Variants in SCN1A observed in about 807,000 individuals in gnomAD.
SCN1A encodes the protein sodium voltage-gated channel alpha subunit 1.
A neutral mutation model predicts 193.7 loss-of-function variants in SCN1A; 13 were observed. The observed-to-expected ratio is 0.07, with a 90% confidence interval of 0.04 to 0.11. The LOEUF (loss-of-function observed/expected upper bound fraction) is 0.11. Among genes scored for constraint, SCN1A ranks in the 10% least tolerant of loss-of-function variants. The pLI is 1.00. For missense variants in SCN1A, 1,432 were observed against 2,451.1 expected (o/e 0.58, Z 8.78); for synonymous variants, 781 against 843.6 (o/e 0.93, Z 1.29).
At position 166,026,885 on chromosome 2, in the gene SCN1A, G is replaced by A. The variant is rs920333405; in HGVS notation, c.3429+9163C>T. On this transcript the variant is annotated intron_variant, in intron 19 of 28. Coordinates refer to ENST00000674923, the MANE Select transcript of SCN1A (RefSeq NM_001165963.4). ...TTTTTAGTAGAGATGGGGTTTCACC[G>A]TGTTAGCCAGGGTGGTCTCGATCTC... Among the ~76,000 whole-genome samples, 10 of 151,734 alleles carry A rather than the reference G, an allele frequency of 6.6e-5. No homozygotes were observed. In the South Asian group the frequency reaches 8.3e-4, roughly 13 times the overall value.
chr2:166,090,375 C>T lies in SCN1A; in HGVS notation c.-141-12574G>A, dbSNP rs568969672. On this transcript the variant is annotated intron_variant, in intron 2 of 28. Transcript: ENST00000674923. ...AACTTCTAAAGATGAAACTGCTACACGTGGACAGCCATAACAACAAAGAGA... is the reference window on the plus strand; with the variant it reads ...AACTTCTAAAGATGAAACTGCTACATGTGGACAGCCATAACAACAAAGAGA... Among the ~76,000 whole-genome samples the T allele has an allele frequency of 1.1e-3, 163 of 152,236 alleles. 3 individuals are homozygous for T. The highest frequency in any genetic ancestry group is 1.3e-3 in the Non-Finnish European group (87 of 67,996).
chr2:166,147,564 T>C (rs1692373935), intron 1 of SCN1A, among the ~76,000 whole-genome samples: 2 of 152,196 alleles, frequency 1.3e-5, no homozygotes, highest in South Asian at 2.1e-4. Context: ...CAATTAAGTA[T>C]GTATCCATCA....
At chr2:166,109,301 G>C (rs545434242) in intron 2 of SCN1A, among the ~76,000 whole-genome samples, 6 of 152,236 alleles carry the variant, frequency 3.9e-5, no homozygotes, top group African/African-American at 1.2e-4. Context: ...AGTACAGATA[G>C]ATAAGAACAT....
At chr2:166,135,612 A>AT (rs1325280431) in intron 1 of SCN1A, among the ~76,000 whole-genome samples, 1 of 152,188 alleles carries the variant, frequency 6.6e-6, no homozygotes, top group Non-Finnish European at 1.5e-5. Flanking sequence ...ATTTGGTTAC[A>AT]TCTTTTCTTT....
At chr2:166,005,881 A>T (rs941721682) in intron 23 of SCN1A, among the ~76,000 whole-genome samples, 1 of 151,418 alleles carries the variant, frequency 6.6e-6, no homozygotes, top group Admixed American at 6.6e-5. Flanking sequence ...ATCTTAATGA[A>T]TTAATACTGT....
In SCN1A at chr2:166,118,298, G is replaced by GC. The variant is rs371947861; in HGVS notation, c.-142+8625_-142+8626insG. On this transcript the variant is annotated intron_variant, in intron 2 of 28. Transcript: ENST00000674923. ...TTCTTTGCTTACTGATTTCTATTTA[G>GC]TTTCTTTTTTTTTTTTTTTTTTTTT... 4.0e-4 allele frequency among the ~76,000 whole-genome samples: 18 copies of GC among 44,694 alleles called. 4 individuals carry two copies. The highest frequency in any genetic ancestry group is 6.6e-4 in the Non-Finnish European group (15 of 22,570). The allele number at this position is 44,694 out of a possible 152,430, so 29.3% of individuals were successfully genotyped here.
chr2:165,987,722 A>C lies in SCN1A; in HGVS notation c.*3523T>G, dbSNP rs1283781320. 1 of 152,180 alleles carries C rather than the reference A, an allele frequency of 6.6e-6. No individual in the cohort carries two copies. The highest frequency in any genetic ancestry group is 2.4e-5 in the African/African-American group (1 of 41,446). 9.4% of individuals were successfully genotyped at this position (152,180 alleles called of 1,614,324 possible). On this transcript the variant is annotated 3_prime_UTR_variant, in exon 29 of 29. Coordinates refer to ENST00000674923, the MANE Select transcript of SCN1A (RefSeq NM_001165963.4). ...ACATGACCTCATCATTCTTTGAAGA[A>C]TAATTACTTTTTAGCACAGAAAATA...
upstream of SCN1A, among the ~76,000 whole-genome samples, chr2:166,131,268 A>T (rs1161508055): frequency 6.6e-6 from 1 of 152,078 alleles, no homozygotes; most frequent in Non-Finnish European, 1.5e-5. Context: ...TTCAATCTGT[A>T]ATGCATGAAC....
intron 2 of SCN1A, among the ~76,000 whole-genome samples, chr2:166,122,184 A>G (rs1028243209): frequency 6.6e-6 from 1 of 152,220 alleles, no homozygotes; most frequent in Non-Finnish European, 1.5e-5. Flanking sequence ...GCACACCTCT[A>G]TCTCAAGTTC....
Position 166,043,893 on chromosome 2 carries a change from A to T in SCN1A, c.1819T>A (p.Ser607Thr), listed in dbSNP as rs967989950. Residue 607 changes from serine (S) to threonine (T), a missense_variant, in exon 14 of 29, where the codon TCC (serine) becomes ACC (threonine). This residue lies in a region of SCN1A where 316 missense variants were observed against 362.1 expected (regional missense o/e 0.87). Transcript: ENST00000674923. ...CCGTGTCGTCGGGGCACAAACAAGG[A>T]ATCTCTACGGCTCTCGTTATCCTCA... Reference protein sequence around the residue: ...TFEDNESRRDSLFVPRRHGER... With the variant: ...TFEDNESRRDTLFVPRRHGER... 3 of 1,614,082 alleles carry T rather than the reference A, an allele frequency of 1.9e-6. No homozygotes were observed. Among genetic ancestry groups the T allele is most frequent in the Non-Finnish European group, 8.5e-7 (1 of 1,180,006 alleles).
At chr2:166,002,917 T>G in intron 23 of SCN1A, 164 bp from the exon 24 acceptor site, 1 of 576,082 alleles carries the variant, frequency 1.7e-6, no homozygotes. Context: ...AATTCATTTT[T>G]TTTTCTTAAG....
chr2:166,042,474 CA>C, intron 14 of SCN1A, 50 bp from the exon 15 acceptor site: 1 of 1,570,524 alleles, frequency 6.4e-7, no homozygotes, highest in Middle Eastern at 1.7e-4. Flanking sequence ...AGCAATATGA[CA>C]AGCAAACAAC....
chr2:166,073,206 G>A (rs1684641212), intron 4 of SCN1A, 152 bp downstream of exon 4: 12 of 814,380 alleles, frequency 1.5e-5, no homozygotes, highest in Non-Finnish European at 2.1e-5. Flanking sequence ...CATTTCTCAT[G>A]TATATGCATA....
At chr2:166,004,816 C>A (rs541296947) in intron 23 of SCN1A, among the ~76,000 whole-genome samples, 175 of 151,544 alleles carry the variant, frequency 1.2e-3, no homozygotes, top group African/African-American at 4.0e-3. Flanking sequence ...ACTCTCCCCT[C>A]TTAAAGGCTT....
At chr2:166,092,674 AT>A (rs1006382102) in intron 2 of SCN1A, 1 of 152,100 alleles carries the variant, frequency 6.6e-6, no homozygotes, top group African/African-American at 2.4e-5. Flanking sequence ...GTAGGAAAAA[AT>A]CATTTCTTAC....
In SCN1A at chr2:165,990,643, C is replaced by CG. The variant is rs1689001837; in HGVS notation, c.*601_*602insC. 1 of 152,596 alleles carries CG rather than the reference C, an allele frequency of 6.6e-6. No homozygotes were observed. 9.5% of individuals were successfully genotyped at this position (152,596 alleles called of 1,614,324 possible). On this transcript the variant is annotated 3_prime_UTR_variant, in exon 29 of 29. Transcript: ENST00000674923. ...ATTTAAGAATTTGTTTTTCTTGTGA[C>CG]TTTTTCTCATGCATGATCTCTAAGT...
intron 6 of SCN1A, 146 bp from the exon 7 acceptor site, chr2:166,054,912 G>T: frequency 1.3e-6 from 1 of 741,604 alleles, no homozygotes; most frequent in Non-Finnish European, 2.2e-6. Context: ...ATGAAACGTA[G>T]CCCTAAATTT....
At chr2:166,098,486 T>C (rs489811) in intron 2 of SCN1A, among the ~76,000 whole-genome samples, 38,967 of 151,926 alleles carry the variant, frequency 0.26, 5,069 homozygotes, top group Non-Finnish European at 0.27. Flanking sequence ...CTCAACATAA[T>C]GCTGGAAGTC....
Position 166,041,264 on chromosome 2 carries a change from G to A in SCN1A, c.2382C>T (p.Asp794=). Residue 794 remains aspartate, a synonymous_variant, in exon 16 of 29, where the codon GAC becomes GAT. Coordinates refer to ENST00000674923, the MANE Select transcript of SCN1A (RefSeq NM_001165963.4). ...CTACTGTAAGCACATTATTGAAATG[G>A]TCCGTCATTGGATAGTGCTCCATGG... is the stretch of plus-strand genomic sequence containing the variant. ...FMAMEHYPMT[D]HFNNVLTVGN... 1.2e-6 allele frequency: 2 copies of A among 1,613,326 alleles called. No homozygotes were observed. Among genetic ancestry groups the A allele is most frequent in the Non-Finnish European group, 1.7e-6 (2 of 1,179,430 alleles).
Sources: allele counts gnomAD v4.1 joint callset (sites outside exome capture counted in the v4.1 genomes callset), GRCh38; gene constraint gnomAD v4.1.1; regional missense constraint gnomAD v4.1.1; transcripts MANE v1.5; gene names NCBI Gene and HGNC (gene_info 2026-07-23, HGNC 2026-07-21).